The following SPATA6 variants were observed in gnomAD, a reference collection of about 807,000 sequenced individuals.
SPATA6 encodes the protein spermatogenesis associated 6.
In SPATA6, 56 loss-of-function variants were observed where a neutral mutation model predicts 65.3. The ratio of observed to expected loss-of-function variants is 0.86; its 90% confidence interval spans 0.69 to 1.07. The LOEUF is 1.07. Among genes scored for constraint, SPATA6 ranks in the 50% least tolerant of loss-of-function variants. The pLI is 0.00. For synonymous variants in SPATA6, 199 were observed against 213.2 expected, an observed-to-expected ratio of 0.93 and a Z score of 0.58; for missense variants, 590 against 594.8, an observed-to-expected ratio of 0.99 and a Z score of 0.08.
At chr1:48,276,890 G>C in the SPATA6 span, among the ~76,000 whole-genome samples, 1 of 151,960 alleles carries the variant, frequency 6.6e-6, no homozygotes, top group East Asian at 1.9e-4. Flanking sequence ...ATCTTTGTTA[G>C]CTTTGTGTCT....
intron 9 of SPATA6, among the ~76,000 whole-genome samples, chr1:48,381,317 G>C (rs1042930696): frequency 3.9e-5 from 6 of 152,170 alleles, no homozygotes; most frequent in Admixed American, 3.3e-4. Context: ...GATGGCAAAA[G>C]AGATGCATAA....
chr1:48,351,348 C>T (rs1229035820), intron 11 of SPATA6, among the ~76,000 whole-genome samples: 1 of 151,860 alleles, frequency 6.6e-6, no homozygotes, highest in Non-Finnish European at 1.5e-5. Flanking sequence ...ATTACATTGC[C>T]TAAGATTTTC....
chr1:48,310,121 T>C (rs930301167), intron 11 of SPATA6, among the ~76,000 whole-genome samples: 19 of 152,244 alleles, frequency 1.2e-4, no homozygotes, highest in Non-Finnish European at 1.2e-4. Flanking sequence ...TTCATTGGTC[T>C]ATTGTTTAAT....
intron 3 of SPATA6, among the ~76,000 whole-genome samples, chr1:48,435,266 T>C (rs988140920): frequency 2.0e-5 from 3 of 152,180 alleles, no homozygotes; most frequent in Non-Finnish European, 4.4e-5. Context: ...TGTGTCTAAC[T>C]AAAGGATTGT....
chr1:48,393,779 C>G (rs957958506), intron 8 of SPATA6, among the ~76,000 whole-genome samples: 4 of 152,068 alleles, frequency 2.6e-5, no homozygotes, highest in Non-Finnish European at 5.9e-5. Flanking sequence ...CTCTTCCTCT[C>G]TTGTAGATGG....
intron 7 of SPATA6, 102 bp from the exon 8 acceptor site, chr1:48,395,456 A>C: frequency 6.0e-6 from 4 of 662,018 alleles, no homozygotes; most frequent in Non-Finnish European, 8.8e-6. Context: ...AGCATATATA[A>C]TCAGGGAAAC....
intron 8 of SPATA6, among the ~76,000 whole-genome samples, chr1:48,391,583 T>C (rs1011335239): frequency 2.6e-5 from 4 of 152,190 alleles, no homozygotes; most frequent in Admixed American, 1.3e-4. Flanking sequence ...TCTATTACTT[T>C]GATCTGAGGT....
At chr1:48,384,083 C>T (rs1484977944) in intron 9 of SPATA6, among the ~76,000 whole-genome samples, 1 of 149,530 alleles carries the variant, frequency 6.7e-6, no homozygotes, top group African/African-American at 2.5e-5. Flanking sequence ...TCTGCAATCC[C>T]GGCACCTCGG....
intron 5 of SPATA6, among the ~76,000 whole-genome samples, chr1:48,410,688 C>T (rs1415414287): frequency 6.6e-6 from 1 of 152,184 alleles, no homozygotes; most frequent in Non-Finnish European, 1.5e-5. Context: ...TCTTACATGG[C>T]AGCAGGCGAG....
chr1:48,283,368 A>C, the SPATA6 span, among the ~76,000 whole-genome samples: 1 of 151,748 alleles, frequency 6.6e-6, no homozygotes, highest in East Asian at 1.9e-4. Flanking sequence ...AATTTTTAAA[A>C]AAGATATTCT....
At chr1:48,410,531 T>C (rs1652119788) in intron 5 of SPATA6, among the ~76,000 whole-genome samples, 2 of 152,222 alleles carry the variant, frequency 1.3e-5, no homozygotes, top group African/African-American at 2.4e-5. Context: ...ACCAATGTAC[T>C]GTATTAATCC....
At chr1:48,369,619 G>C (rs1038825730) in intron 9 of SPATA6, among the ~76,000 whole-genome samples, 2 of 152,216 alleles carry the variant, frequency 1.3e-5, no homozygotes, top group Non-Finnish European at 2.9e-5. Context: ...CGTTTTTTAA[G>C]CCCGTCGGAA....
chr1:48,423,325 G>A (rs1403387712), intron 3 of SPATA6, among the ~76,000 whole-genome samples: 1 of 151,700 alleles, frequency 6.6e-6, no homozygotes, highest in Admixed American at 6.6e-5. Context: ...GCATGGTGGT[G>A]CATGCTGGTA....
chr1:48,421,856 A>G (rs1029230657), intron 3 of SPATA6, among the ~76,000 whole-genome samples: 18 of 152,336 alleles, frequency 1.2e-4, no homozygotes, highest in African/African-American at 4.3e-4. Context: ...ATCAATATTC[A>G]TCACATATCT....
chr1:48,304,749 A>G (rs1274761916), intron 12 of SPATA6, among the ~76,000 whole-genome samples: 1 of 152,186 alleles, frequency 6.6e-6, no homozygotes, highest in East Asian at 1.9e-4. Context: ...AACAACTTAG[A>G]TAATTTGAAA....
chr1:48,315,383 A>G (rs1292595089), intron 11 of SPATA6, among the ~76,000 whole-genome samples: 1 of 152,234 alleles, frequency 6.6e-6, no homozygotes, highest in Non-Finnish European at 1.5e-5. Context: ...AGCCTGGTTC[A>G]ACATACACAA....
intron 4 of SPATA6, among the ~76,000 whole-genome samples, chr1:48,412,261 C>T (rs925666553): frequency 6.6e-6 from 1 of 152,192 alleles, no homozygotes; most frequent in Admixed American, 6.5e-5. Context: ...TATATTTTAA[C>T]TCTGCCTTCT....
chr1:48,277,400 G>A, the SPATA6 span, among the ~76,000 whole-genome samples: 1 of 152,246 alleles, frequency 6.6e-6, no homozygotes, highest in Admixed American at 6.5e-5. Flanking sequence ...GGAAGCGCAA[G>A]GGGTCAGGGA....
At chr1:48,358,508 A>T (rs932507975) in intron 10 of SPATA6, among the ~76,000 whole-genome samples, 1 of 152,114 alleles carries the variant, frequency 6.6e-6, no homozygotes, top group African/African-American at 2.4e-5. Flanking sequence ...CAACAAAATC[A>T]CAAGAGATGA....
Sources: gnomAD v4.1 joint callset for allele counts (sites outside exome capture counted in the v4.1 genomes callset) on GRCh38, gnomAD v4.1.1 for gene constraint, MANE v1.5 for transcripts, NCBI Gene and HGNC (gene_info 2026-07-23, HGNC 2026-07-21) for gene names.